PHYHIPL: variants seen among roughly 807,000 people sequenced by gnomAD.
PHYHIPL encodes phytanoyl-CoA hydroxylase-interacting protein-like.
Under a neutral mutation model 33.4 loss-of-function variants are expected in PHYHIPL, and 9 were observed. That is an observed-to-expected ratio of 0.27 (90% CI 0.16 to 0.47). PHYHIPL has a LOEUF of 0.47. Among genes scored for constraint, PHYHIPL ranks in the 20% least tolerant of loss-of-function variants. PHYHIPL has a pLI of 0.99. For missense variants in PHYHIPL, 365 were observed against 460.7 expected, an observed-to-expected ratio of 0.79 and a Z score of 1.90; for synonymous variants, 153 against 154.1, an observed-to-expected ratio of 0.99 and a Z score of 0.05.
intron 1 of PHYHIPL, among the ~76,000 whole-genome samples, chr10:59,186,773 T>C (rs1838618686): frequency 6.6e-6 from 1 of 152,204 alleles, no homozygotes; most frequent in Admixed American, 6.5e-5. Context: ...TTGTCTGTTA[T>C]TGGTGTATAA....
intron 1 of PHYHIPL, among the ~76,000 whole-genome samples, chr10:59,227,975 G>GAGATATATATAT (rs10530291): frequency 6.9e-6 from 1 of 145,490 alleles, no homozygotes; most frequent in East Asian, 2.0e-4. Context: ...TGCCTATTGA[G>GAGATATATATAT]ATATATATAT....
chr10:59,241,525 T>C (rs955135841), intron 4 of PHYHIPL, among the ~76,000 whole-genome samples: 2 of 152,152 alleles, frequency 1.3e-5, no homozygotes, highest in East Asian at 3.8e-4. Context: ...AGGAATTCAC[T>C]GAGATTGGTA....
chr10:59,199,124 C>T (rs1683518657), intron 1 of PHYHIPL, among the ~76,000 whole-genome samples: 1 of 152,124 alleles, frequency 6.6e-6, no homozygotes, highest in African/African-American at 2.4e-5. Flanking sequence ...GACATGAAGT[C>T]CTTGCCCATG....
intron 3 of PHYHIPL, among the ~76,000 whole-genome samples, chr10:59,237,722 C>T (rs1214802650): frequency 1.3e-5 from 2 of 151,882 alleles, no homozygotes; most frequent in Non-Finnish European, 2.9e-5. Context: ...TAATCTACTT[C>T]TTTTCTAGCC....
chr10:59,183,962 T>G (rs1026748583), intron 1 of PHYHIPL, among the ~76,000 whole-genome samples: 1 of 152,290 alleles, frequency 6.6e-6, no homozygotes, highest in South Asian at 2.1e-4. Context: ...TATACTCTGA[T>G]TTTTTTGAGA....
At chr10:59,219,290 G>A in intron 1 of PHYHIPL, 3 of 869,960 alleles carry the variant, frequency 3.4e-6, no homozygotes, top group Non-Finnish European at 4.1e-6. Context: ...TCTGCACATG[G>A]AAGATATTCT....
chr10:59,219,377 A>G (rs1225369259), intron 1 of PHYHIPL: 2 of 305,532 alleles, frequency 6.5e-6, no homozygotes, highest in African/African-American at 4.5e-5. Context: ...CCTATAATAA[A>G]AGTGTCTGTA....
intron 4 of PHYHIPL, among the ~76,000 whole-genome samples, chr10:59,239,224 G>T (rs753388637): frequency 1.1e-4 from 17 of 151,742 alleles, no homozygotes; most frequent in Admixed American, 2.0e-4. Flanking sequence ...AAAAAAGAAA[G>T]AAGTTTGTTG....
intron 1 of PHYHIPL, among the ~76,000 whole-genome samples, chr10:59,188,475 A>G (rs935872634): frequency 2.6e-5 from 4 of 152,276 alleles, no homozygotes; most frequent in South Asian, 2.1e-4. Context: ...GTAGATGTCT[A>G]TTAGGTCCGC....
chr10:59,223,345 T>C (rs532940082), intron 1 of PHYHIPL, among the ~76,000 whole-genome samples: 1 of 152,320 alleles, frequency 6.6e-6, no homozygotes, highest in Non-Finnish European at 1.5e-5. Flanking sequence ...AACATCTATG[T>C]TTTGCCCTCT....
chr10:59,229,325 A>T (rs756734672), intron 1 of PHYHIPL, among the ~76,000 whole-genome samples: 2 of 152,186 alleles, frequency 1.3e-5, no homozygotes. Context: ...CATCAGGTAA[A>T]TACACATGTA....
At chr10:59,234,160 C>G (rs893230905) in intron 1 of PHYHIPL, 144 bp from the exon 2 acceptor site, 3 of 630,930 alleles carry the variant, frequency 4.8e-6, no homozygotes, top group Admixed American at 8.2e-5. Flanking sequence ...TCTGTGAAAA[C>G]AAATTGGAAA....
chr10:59,200,831 G>A (rs984720350), intron 1 of PHYHIPL, among the ~76,000 whole-genome samples: 2 of 152,032 alleles, frequency 1.3e-5, no homozygotes, highest in Non-Finnish European at 1.5e-5. Flanking sequence ...CTAGATTTTC[G>A]AGTTTATTTG....
intron 1 of PHYHIPL, among the ~76,000 whole-genome samples, chr10:59,178,351 G>A (rs1838311506): frequency 6.6e-6 from 1 of 152,050 alleles, no homozygotes; most frequent in Non-Finnish European, 1.5e-5. Context: ...GGTAGTAAGT[G>A]CACATATTTA....
chr10:59,195,706 G>A lies in PHYHIPL; in HGVS notation c.106+18747G>A, dbSNP rs551274706. On this transcript the variant is annotated intron_variant, in intron 1 of 4. Coordinates refer to ENST00000373880, the MANE Select transcript of PHYHIPL (RefSeq NM_032439.4). Reference sequence around the variant, plus strand: ...AAAGTATTTTAGGGTACCATGTCTCGAAACCCATTGCTTACTAACATTTTT... The same window carrying A: ...AAAGTATTTTAGGGTACCATGTCTCAAAACCCATTGCTTACTAACATTTTT... Among the ~76,000 whole-genome samples the A allele has an allele frequency of 9.9e-5, 15 of 152,122 alleles. No homozygotes were observed. In the South Asian group the frequency reaches 2.7e-3, roughly 27 times the overall value.
At chr10:59,232,811 G>A (rs956201677) in intron 1 of PHYHIPL, among the ~76,000 whole-genome samples, 8 of 151,850 alleles carry the variant, frequency 5.3e-5, no homozygotes, top group African/African-American at 1.4e-4. Context: ...AAAGACAAGT[G>A]GGACAGATTA....
chr10:59,205,709 C>G (rs1839266038), intron 1 of PHYHIPL, among the ~76,000 whole-genome samples: 1 of 152,052 alleles, frequency 6.6e-6, no homozygotes, highest in South Asian at 2.1e-4. Flanking sequence ...CCGGAGTACA[C>G]TGGTCCTCAT....
In PHYHIPL at chr10:59,187,276, G is replaced by A. The variant is rs1197243965; in HGVS notation, c.106+10317G>A. ...TAGGCTGGATTACGTTTATTGATTT[G>A]CGTATGTTGAACCAGCCTTGCATCC... On this transcript the variant is annotated intron_variant, in intron 1 of 4. Coordinates refer to ENST00000373880, the MANE Select transcript of PHYHIPL (RefSeq NM_032439.4). Among the ~76,000 whole-genome samples the A allele has an allele frequency of 2.6e-5, 4 of 152,234 alleles. No homozygotes were observed. In the East Asian group the frequency reaches 7.7e-4, roughly 29 times the overall value.
chr10:59,185,878 T>G (rs1157091572), intron 1 of PHYHIPL, among the ~76,000 whole-genome samples: 1 of 152,202 alleles, frequency 6.6e-6, no homozygotes, highest in Non-Finnish European at 1.5e-5. Context: ...CTTTGTCAGA[T>G]GAGTAGATTG....
Sources: allele counts gnomAD v4.1 joint callset (sites outside exome capture counted in the v4.1 genomes callset), GRCh38; gene constraint gnomAD v4.1.1; transcripts MANE v1.5; gene names NCBI Gene and HGNC (gene_info 2026-07-23, HGNC 2026-07-21).